PCDHB14: variants seen among roughly 807,000 people sequenced by gnomAD.
PCDHB14 encodes the protein protocadherin beta 14, also known as protocadherin beta-14.
For missense variants in PCDHB14, 1,129 were observed against 1,000.5 expected, an observed-to-expected ratio of 1.13 and a Z score of -1.73; for synonymous variants, 511 against 441.5, an observed-to-expected ratio of 1.16 and a Z score of -1.97.
rs1227157909 is a variant in PCDHB14, at chr5:141,227,325, T to C, written c.*1423T>C. ...TGATTTAGTTTCACTTTCCTATTAA[T>C]TATTGAGTAAATATAAAACATCATT... On this transcript the variant is annotated 3_prime_UTR_variant, in exon 1 of 1. Transcript: ENST00000239449. The C allele has an allele frequency of 4.6e-5, 7 of 152,342 alleles. No individual in the cohort carries two copies. In the East Asian group the frequency reaches 1.2e-3, roughly 25 times the overall value. The allele number at this position is 152,342 out of a possible 1,614,324, so 9.4% of individuals were successfully genotyped here.
At position 141,226,158 on chromosome 5, in the gene PCDHB14, GTAT is replaced by G. The variant is rs755527753; in HGVS notation, c.*260_*262del. 22 of 458,812 alleles carry G rather than the reference GTAT, an allele frequency of 4.8e-5. No individual in the cohort carries two copies. Among genetic ancestry groups the G allele is most frequent in the Non-Finnish European group, 7.9e-5 (20 of 252,748 alleles). 28.4% of individuals were successfully genotyped at this position (458,812 alleles called of 1,614,324 possible). A position where few individuals can be genotyped will look rare whatever the true frequency, so the allele number is the denominator to read the frequency against. On this transcript the variant is annotated 3_prime_UTR_variant, in exon 1 of 1. Transcript: ENST00000239449. ...TATTGCTATTTTTGCTGTGATAATG[GTAT>G]TATGCAAGACCATATTCTCAATTAT...
At position 141,225,006 on chromosome 5, in the gene PCDHB14, G is replaced by T. The variant is rs782732320; in HGVS notation, c.1501G>T (p.Ala501Ser). 3 of 1,612,484 alleles carry T rather than the reference G, an allele frequency of 1.9e-6. No homozygotes were observed. The highest frequency in any genetic ancestry group is 1.7e-6 in the Non-Finnish European group (2 of 1,180,036). The change falls in exon 1 of 1, where the codon GCC becomes TCC. Residue 501 changes from alanine to serine, a missense_variant. Ala to Ser is a moderately conservative substitution (Grantham distance 99, BLOSUM62 1). Coordinates refer to ENST00000239449, the MANE Select transcript of PCDHB14 (RefSeq NM_018934.4). ...LPPQDRHLPL[A>S]SLVSINADNG... ...GCCCCAGGACCGGCACCTGCCCCTC[G>T]CCTCCTTGGTCTCCATCAACGCGGA...
In PCDHB14 at chr5:141,224,322, A is replaced by G; in HGVS notation, c.817A>G (p.Asn273Asp). The change falls in exon 1 of 1, where the codon AAC (asparagine) becomes GAC (aspartate). Residue 273 changes from asparagine (N) to aspartate (D), a missense_variant. Asn to Asp is a conservative substitution (Grantham distance 23). Coordinates refer to ENST00000239449, the MANE Select transcript of PCDHB14 (RefSeq NM_018934.4). ...TISAKDLDAG[N>D]YGKISYTFFH... is the part of the protein sequence containing the mutation. ...CTCAGCTAAGGATCTGGATGCAGGA[A>G]ACTATGGAAAAATATCTTACACATT... 6.2e-7 allele frequency: 1 copy of G among 1,613,944 alleles called. No individual in the cohort carries two copies. Among genetic ancestry groups the G allele is most frequent in the African/African-American group, 1.3e-5 (1 of 75,026 alleles).
rs781804304 is a variant in PCDHB14 at position 141,224,449 on chromosome 5, A to C, written c.944A>C (p.Tyr315Ser). Residue 315 changes from tyrosine (Y) to serine (S), a missense_variant, in exon 1 of 1, where the codon TAC becomes TCC. Coordinates refer to ENST00000239449, the MANE Select transcript of PCDHB14 (RefSeq NM_018934.4). ...SPLDFEVIQS[Y>S]TINIQATDGG... ...CTGGATTTTGAAGTAATACAGTCCTACACTATAAATATTCAGGCAACAGAT... is the reference window on the plus strand; with the variant it reads ...CTGGATTTTGAAGTAATACAGTCCTCCACTATAAATATTCAGGCAACAGAT... The C allele has an allele frequency of 6.2e-7, 1 of 1,611,368 alleles. No individual in the cohort carries two copies. Among genetic ancestry groups the C allele is most frequent in the East Asian group, 2.2e-5 (1 of 44,878 alleles).
chr5:141,225,149 C>A lies in PCDHB14; in HGVS notation c.1644C>A (p.Arg548=), dbSNP rs2910003. 577,390 of 1,611,000 alleles carry A rather than the reference C, an allele frequency of 0.36. 108,067 individuals carry two copies. The highest frequency in any genetic ancestry group is 0.62 in the African/African-American group (46,263 of 74,852). ...SPALSSEALV[R]VLVLDANDNS... ...CGTTGAGCAGCGAGGCGCTGGTGCG[C>A]GTGCTGGTGCTGGACGCCAACGACA... Residue 548 remains arginine, a synonymous_variant, in exon 1 of 1, where the codon CGC becomes CGA. Coordinates refer to ENST00000239449, the MANE Select transcript of PCDHB14 (RefSeq NM_018934.4).
Position 141,225,180 on chromosome 5 carries a change from C to T in PCDHB14, c.1675C>T (p.Pro559Ser). 1.2e-6 allele frequency: 2 copies of T among 1,610,402 alleles called. No individual in the cohort carries two copies. Among genetic ancestry groups the T allele is most frequent in the South Asian group, 1.1e-5 (1 of 90,930 alleles). ...GGTGCTGGACGCCAACGACAACTCGCCCTTCGTGCTGTACCCGCTGCAGAA... is the reference window on the plus strand; with the variant it reads ...GGTGCTGGACGCCAACGACAACTCGTCCTTCGTGCTGTACCCGCTGCAGAA... ...VLVLDANDNS[P>S]FVLYPLQNGS... Residue 559 changes from proline to serine, a missense_variant, in exon 1 of 1, where the codon CCC becomes TCC. Coordinates refer to ENST00000239449, the MANE Select transcript of PCDHB14 (RefSeq NM_018934.4).
Position 141,226,109 on chromosome 5 carries a change from G to A in PCDHB14, c.*207G>A. The stretch of plus-strand genomic sequence containing the variant: ...TGTTTTCTGGTTTTTCATTTATTTG[G>A]CCAAAATGTTATATTAATGGAGTTA... On this transcript the variant is annotated 3_prime_UTR_variant, in exon 1 of 1. Transcript: ENST00000239449. The A allele has an allele frequency of 1.7e-6, 1 of 580,238 alleles. No individual in the cohort carries two copies. The highest frequency in any genetic ancestry group is 3.0e-6 in the Non-Finnish European group (1 of 333,040). The allele number at this position is 580,238 out of a possible 1,614,324, so 35.9% of individuals were successfully genotyped here.
At position 141,223,729 on chromosome 5, in the gene PCDHB14, T is replaced by C. The variant is rs1554289037; in HGVS notation, c.224T>C (p.Leu75Ser). Residue 75 changes from leucine (L) to serine (S), a missense_variant, in exon 1 of 1, where the codon TTG (leucine) becomes TCG (serine). Coordinates refer to ENST00000239449, the MANE Select transcript of PCDHB14 (RefSeq NM_018934.4). The stretch of plus-strand genomic sequence containing the variant: ...GTGTCTGATGATAATAAAAAGTATT[T>C]GCACCTTGATTTGCTGACTGGGAAT... ...RVVSDDNKKY[L>S]HLDLLTGNLL... 1 of 1,613,974 alleles carries C rather than the reference T, an allele frequency of 6.2e-7. No homozygotes were observed. The highest frequency in any genetic ancestry group is 1.3e-5 in the African/African-American group (1 of 74,892).
rs782359368 is a variant in PCDHB14, at chr5:141,224,504, T to A, written c.999T>A (p.Leu333=). The A allele has an allele frequency of 6.8e-6, 11 of 1,613,522 alleles. No individual in the cohort carries two copies. The highest frequency in any genetic ancestry group is 4.2e-6 in the Non-Finnish European group (5 of 1,179,858). Reference sequence around the variant, plus strand: ...GGGGTCTTTCAGGAAAATGCACCCTTCTAGTTAAAGTTATGGATATAAACG... The same window carrying A: ...GGGGTCTTTCAGGAAAATGCACCCTACTAGTTAAAGTTATGGATATAAACG... The part of the protein sequence containing the change: ...DGGGLSGKCT[L]LVKVMDINDN... Residue 333 remains leucine, a synonymous_variant, in exon 1 of 1, where the codon CTT becomes CTA. Coordinates refer to ENST00000239449, the MANE Select transcript of PCDHB14 (RefSeq NM_018934.4).
In PCDHB14 at chr5:141,224,921, C is replaced by T. The variant is rs782457165; in HGVS notation, c.1416C>T (p.Ser472=). The change falls in exon 1 of 1, where the codon AGC becomes AGT. Residue 472 remains serine (S), a synonymous_variant. Coordinates refer to ENST00000239449, the MANE Select transcript of PCDHB14 (RefSeq NM_018934.4). ...ACAGCCCCGCCCTGCACATCGGCAGCGTCAGCGCCACAGACAGAGACTCAG... is the reference window on the plus strand; with the variant it reads ...ACAGCCCCGCCCTGCACATCGGCAGTGTCAGCGCCACAGACAGAGACTCAG... ...ENNSPALHIG[S]VSATDRDSGT... 2.1e-4 allele frequency: 333 copies of T among 1,612,926 alleles called. 1 individual carries two copies. The highest frequency in any genetic ancestry group is 1.3e-3 in the African/African-American group (99 of 75,018).
In PCDHB14 at chr5:141,225,275, G is replaced by A; in HGVS notation, c.1770G>A (p.Val590=). 6.3e-7 allele frequency: 1 copy of A among 1,596,554 alleles called. No homozygotes were observed. The highest frequency in any genetic ancestry group is 8.5e-7 in the Non-Finnish European group (1 of 1,176,300). The change falls in exon 1 of 1, where the codon GTG becomes GTA. Residue 590 remains valine, a synonymous_variant. Coordinates refer to ENST00000239449, the MANE Select transcript of PCDHB14 (RefSeq NM_018934.4). ...AEPGYLVTKV[V]AVDGDSGQNA... ...CGGGCTACCTGGTGACCAAGGTGGT[G>A]GCGGTGGACGGCGACTCGGGCCAGA...
chr5:141,224,225 T>C lies in PCDHB14; in HGVS notation c.720T>C (p.Pro240=). ...TGTTGGACATCAATGATAATGCCCC[T>C]GAGTTTCCTCAGAGTCTCTATGAGG... The part of the protein sequence containing the change: ...IKVLDINDNA[P]EFPQSLYEVQ... The change falls in exon 1 of 1, where the codon CCT becomes CCC. Residue 240 remains proline (P), a synonymous_variant. Coordinates refer to ENST00000239449, the MANE Select transcript of PCDHB14 (RefSeq NM_018934.4). 1 of 1,613,712 alleles carries C rather than the reference T, an allele frequency of 6.2e-7. No individual in the cohort carries two copies. Among genetic ancestry groups the C allele is most frequent in the East Asian group, 2.2e-5 (1 of 44,874 alleles).
rs782702933 is a variant in PCDHB14, at chr5:141,224,843, C to T, written c.1338C>T (p.Asp446=). The change falls in exon 1 of 1, where the codon GAC becomes GAT. Residue 446 remains aspartate, a synonymous_variant. Transcript: ENST00000239449. ...NITVLLSDVN[D]NAPTFTQTSY... ...CCGTGCTGCTCTCTGACGTCAATGA[C>T]AACGCCCCCACCTTCACCCAAACCT... 1.9e-6 allele frequency: 3 copies of T among 1,613,740 alleles called. No homozygotes were observed. Among genetic ancestry groups the T allele is most frequent in the Admixed American group, 1.7e-5 (1 of 59,994 alleles).
Position 141,223,638 on chromosome 5 carries a change from G to A in PCDHB14, c.133G>A (p.Val45Met). ...AGAGGAAACAGAAATTGGCTCTTTT[G>A]TGGCTAATCTAGCGAGGGACCTAGG... Reference protein sequence around the residue: ...VAEETEIGSFVANLARDLGLG... With the variant: ...VAEETEIGSFMANLARDLGLG... The change falls in exon 1 of 1, where the codon GTG (valine) becomes ATG (methionine). Residue 45 changes from valine (V) to methionine (M), a missense_variant. By Grantham distance (21) the Val-to-Met change is conservative (BLOSUM62 1). Transcript: ENST00000239449. 2 of 1,614,166 alleles carry A rather than the reference G, an allele frequency of 1.2e-6. No homozygotes were observed. The highest frequency in any genetic ancestry group is 1.7e-6 in the Non-Finnish European group (2 of 1,180,030).
chr5:141,223,886 T>C lies in PCDHB14; in HGVS notation c.381T>C (p.Asn127=). The C allele has an allele frequency of 6.2e-7, 1 of 1,613,424 alleles. No individual in the cohort carries two copies. Among genetic ancestry groups the C allele is most frequent in the Non-Finnish European group, 8.5e-7 (1 of 1,179,800 alleles). The change falls in exon 1 of 1, where the codon AAT becomes AAC. Residue 127 remains asparagine, a synonymous_variant. Coordinates refer to ENST00000239449, the MANE Select transcript of PCDHB14 (RefSeq NM_018934.4). ...TTGAGCTGTGTGTCAAAGACATAAA[T>C]GATCACTCCCCTACATTTCTAGACA... The part of the protein sequence containing the change: ...FRFELCVKDI[N]DHSPTFLDKE...
chr5:141,225,369 G>T lies in PCDHB14; in HGVS notation c.1864G>T (p.Gly622Cys). 6.2e-7 allele frequency: 1 copy of T among 1,603,714 alleles called. No individual in the cohort carries two copies. Among genetic ancestry groups the T allele is most frequent in the South Asian group, 1.1e-5 (1 of 90,904 alleles). The change falls in exon 1 of 1, where the codon GGC (glycine) becomes TGC (cysteine). Residue 622 changes from glycine to cysteine, a missense_variant. Gly to Cys is a radical substitution (Grantham distance 159, BLOSUM62 -3). Coordinates refer to ENST00000239449, the MANE Select transcript of PCDHB14 (RefSeq NM_018934.4). ...PGLFGVWAHNGEVRTARLLSE... is the reference protein window; with the variant it reads ...PGLFGVWAHNCEVRTARLLSE... ...GCTGTTCGGCGTGTGGGCGCACAAT[G>T]GCGAGGTGCGCACCGCCAGGCTGCT...
chr5:141,225,150 G>C lies in PCDHB14; in HGVS notation c.1645G>C (p.Val549Leu). Reference sequence around the variant, plus strand: ...GTTGAGCAGCGAGGCGCTGGTGCGCGTGCTGGTGCTGGACGCCAACGACAA... The same window carrying C: ...GTTGAGCAGCGAGGCGCTGGTGCGCCTGCTGGTGCTGGACGCCAACGACAA... ...PALSSEALVR[V>L]LVLDANDNSP... is the part of the protein sequence containing the mutation. Residue 549 changes from valine to leucine, a missense_variant, in exon 1 of 1, where the codon GTG (valine) becomes CTG (leucine). Coordinates refer to ENST00000239449, the MANE Select transcript of PCDHB14 (RefSeq NM_018934.4). 1.9e-6 allele frequency: 3 copies of C among 1,611,394 alleles called. No individual in the cohort carries two copies. The highest frequency in any genetic ancestry group is 2.5e-6 in the Non-Finnish European group (3 of 1,179,658).
At position 141,226,016 on chromosome 5, in the gene PCDHB14, T is replaced by A; in HGVS notation, c.*114T>A. ...CTGTAGTTGCATGCATGATTATAGC[T>A]CTTGTTTTTCTCACAGTTTCTTTAA... On this transcript the variant is annotated 3_prime_UTR_variant, in exon 1 of 1. Transcript: ENST00000239449. 1.1e-6 allele frequency: 1 copy of A among 907,078 alleles called. No homozygotes were observed. The highest frequency in any genetic ancestry group is 1.7e-6 in the Non-Finnish European group (1 of 601,804). 56.2% of individuals were successfully genotyped at this position (907,078 alleles called of 1,614,324 possible). A position where few individuals can be genotyped will look rare whatever the true frequency, so the allele number is the denominator to read the frequency against.
In PCDHB14 at chr5:141,224,927, C is replaced by G. The variant is rs782665639; in HGVS notation, c.1422C>G (p.Ser474Arg). Reference protein sequence around the residue: ...NSPALHIGSVSATDRDSGTNA... With the variant: ...NSPALHIGSVRATDRDSGTNA... ...CCGCCCTGCACATCGGCAGCGTCAGCGCCACAGACAGAGACTCAGGCACCA... is the reference window on the plus strand; with the variant it reads ...CCGCCCTGCACATCGGCAGCGTCAGGGCCACAGACAGAGACTCAGGCACCA... Residue 474 changes from serine (S) to arginine (R), a missense_variant, in exon 1 of 1, where the codon AGC becomes AGG. Physicochemically the swap from Ser to Arg is moderately radical, Grantham distance 110. Coordinates refer to ENST00000239449, the MANE Select transcript of PCDHB14 (RefSeq NM_018934.4). 4.7e-5 allele frequency: 76 copies of G among 1,612,810 alleles called. No individual in the cohort carries two copies. The highest frequency in any genetic ancestry group is 6.2e-5 in the Non-Finnish European group (73 of 1,180,056).
Sources: allele counts gnomAD v4.1 joint callset, GRCh38; gene constraint gnomAD v4.1.1; transcripts MANE v1.5; gene names NCBI Gene and HGNC (gene_info 2026-07-23, HGNC 2026-07-21).